The following RASA3 variants were observed in gnomAD, a reference collection of about 807,000 sequenced individuals.
RASA3 encodes RAS p21 protein activator 3, also known as ras GTPase-activating protein 3.
In RASA3, 73 loss-of-function variants were observed where a neutral mutation model predicts 110.0. That is an observed-to-expected ratio of 0.66 (90% CI 0.55 to 0.81). The LOEUF is 0.81. RASA3 is among the 30% of genes least tolerant of loss of function. The probability of loss-of-function intolerance (pLI) is 0.00; values close to 1 mark genes in which losing one functional copy is unlikely to be tolerated. For missense variants in RASA3, 976 were observed against 1,113.2 expected (o/e 0.88, Z 1.75); for synonymous variants, 500 against 451.4 (o/e 1.11, Z -1.37).
chr13:114,015,585 G>T (rs1566482123), intron 13 of RASA3, among the ~76,000 whole-genome samples: 1 of 152,254 alleles, frequency 6.6e-6, no homozygotes, highest in Non-Finnish European at 1.5e-5. Context: ...TACTGAGTGG[G>T]GAATGGACGT....
chr13:114,050,737 G>A (rs759713797), intron 3 of RASA3, among the ~76,000 whole-genome samples: 5 of 152,360 alleles, frequency 3.3e-5, no homozygotes, highest in African/African-American at 4.8e-5. Context: ...CTACTAGCCC[G>A]TTTCTCTCAT....
chr13:114,015,122 G>T (rs1420445546), intron 14 of RASA3, 87 bp downstream of exon 14: 4 of 1,540,886 alleles, frequency 2.6e-6, no homozygotes, highest in East Asian at 4.5e-5. Context: ...TCTAGCCAGG[G>T]CTGCGGGGGG....
At chr13:114,021,884 C>T (rs1008081421) in intron 8 of RASA3, among the ~76,000 whole-genome samples, 2 of 151,976 alleles carry the variant, frequency 1.3e-5, no homozygotes, top group Non-Finnish European at 2.9e-5. Context: ...CTACATGACC[C>T]CAGGCTCTGT....
rs868832930 is a variant in RASA3 at position 114,016,228 on chromosome 13, A to C, written c.1250T>G (p.Leu417Trp). ...HKPCEIDPVKLKDGENLENNM... is the reference protein window; with the variant it reads ...HKPCEIDPVKWKDGENLENNM... ...GTTTTCAAGGTTTTCTCCGTCTTTC[A>C]ACTTCACAGGGTCGATTTCACAGGG... The change falls in exon 13 of 24, where the codon TTG (leucine) becomes TGG (tryptophan). Residue 417 changes from leucine to tryptophan, a missense_variant. Physicochemically the swap from Leu to Trp is moderately conservative, Grantham distance 61. Transcript: ENST00000334062. The C allele has an allele frequency of 4.4e-6, 7 of 1,602,236 alleles. 1 individual carries two copies. In the African/African-American group the frequency reaches 5.4e-5, roughly 12 times the overall value.
At chr13:114,034,888 C>G (rs900219663) in intron 4 of RASA3, among the ~76,000 whole-genome samples, 1 of 152,002 alleles carries the variant, frequency 6.6e-6, no homozygotes, top group African/African-American at 2.4e-5. Context: ...GAAGGGAGAT[C>G]TGAACGCTGA....
At chr13:113,990,060 G>C (rs981844323) in intron 22 of RASA3, among the ~76,000 whole-genome samples, 3 of 152,072 alleles carry the variant, frequency 2.0e-5, no homozygotes, top group African/African-American at 7.3e-5. Flanking sequence ...GTTTGGACGT[G>C]TGTGGCATCT....
Position 114,011,145 on chromosome 13 carries a change from A to G in RASA3, c.1590+26T>C. Reference sequence around the variant, plus strand: ...AGAAAAGAATCAGTTGTCCCTAAAAAGAGAAAATGAAGAAGAGGGACTCAC... The same window carrying G: ...AGAAAAGAATCAGTTGTCCCTAAAAGGAGAAAATGAAGAAGAGGGACTCAC... On this transcript the variant is annotated intron_variant, in intron 16 of 23. Transcript: ENST00000334062. This position sits in a 1 kb window ranked among gnomAD's most constrained non-coding sequence, Gnocchi z 4.8. The G allele has an allele frequency of 1.3e-6, 2 of 1,575,822 alleles. No homozygotes were observed. The highest frequency in any genetic ancestry group is 1.7e-6 in the Non-Finnish European group (2 of 1,146,976).
At chr13:114,129,732 C>T (rs1012891051) in intron 1 of RASA3, among the ~76,000 whole-genome samples, 2 of 152,090 alleles carry the variant, frequency 1.3e-5, no homozygotes, top group African/African-American at 2.4e-5. Context: ...ACGTTCCCAC[C>T]GGATGTAGTA....
intron 1 of RASA3, among the ~76,000 whole-genome samples, chr13:114,080,839 C>T (rs1222718394): frequency 4.6e-5 from 7 of 151,826 alleles, no homozygotes; most frequent in East Asian, 1.9e-4. Flanking sequence ...GGCACAGGGC[C>T]GTCCACCTAG....
Position 114,021,554 on chromosome 13 carries a change from G to A in RASA3, c.681-46C>T, listed in dbSNP as rs764982829. 8 of 1,537,400 alleles carry A rather than the reference G, an allele frequency of 5.2e-6. No individual in the cohort carries two copies. In the East Asian group the frequency reaches 6.7e-5, roughly 13 times the overall value. On this transcript the variant is annotated intron_variant, in intron 8 of 23. Coordinates refer to ENST00000334062, the MANE Select transcript of RASA3 (RefSeq NM_007368.4). ...AGCTCTAGCTGACGGCGGGCAGCCC[G>A]TGTGGAGCAAAGATGACAGGCCACG...
intron 1 of RASA3, among the ~76,000 whole-genome samples, chr13:114,129,477 A>T (rs1311615274): frequency 6.6e-6 from 1 of 152,146 alleles, no homozygotes. Context: ...GATTCTTTCC[A>T]TTTTTCCCAA....
At chr13:114,128,680 G>A (rs116716404) in intron 1 of RASA3, among the ~76,000 whole-genome samples, 9 of 152,378 alleles carry the variant, frequency 5.9e-5, no homozygotes, top group Middle Eastern at 3.4e-3. Flanking sequence ...GGGCCAGACC[G>A]GCCGTGGGTC....
At chr13:113,984,712 C>CCAT (rs1382817600) in intron 22 of RASA3, among the ~76,000 whole-genome samples, 5 of 99,976 alleles carry the variant, frequency 5.0e-5, no homozygotes, top group Admixed American at 2.1e-4. Context: ...CATCACTCAC[C>CCAT]CTGTCCATCC....
intron 14 of RASA3, 50 bp from the exon 15 acceptor site, chr13:114,013,298 C>T (rs754784901): frequency 2.5e-5 from 36 of 1,423,714 alleles, no homozygotes; most frequent in African/African-American, 4.2e-5. Context: ...ACAATGGCCT[C>T]GTGGGGACAC....
chr13:114,049,083 C>T (rs556581911), intron 3 of RASA3, among the ~76,000 whole-genome samples: 29 of 152,068 alleles, frequency 1.9e-4, no homozygotes, highest in African/African-American at 7.0e-4. Flanking sequence ...CAGTGCACCT[C>T]TCACTCCTGG....
chr13:114,011,555 A>C lies in RASA3; in HGVS notation c.1513-307T>G, dbSNP rs1414128822. 6.6e-6 allele frequency among the ~76,000 whole-genome samples: 1 copy of C among 152,032 alleles called. No homozygotes were observed. The highest frequency in any genetic ancestry group is 1.9e-4 in the East Asian group (1 of 5,190). ...GTGGGGTCATGGCTCTGGGGCGCTG[A>C]GTCTCGGGGTGCTGAGTCTCCTGGC... On this transcript the variant is annotated intron_variant, in intron 15 of 23. Transcript: ENST00000334062. This position sits in a 1 kb window ranked among gnomAD's most constrained non-coding sequence, Gnocchi z 4.8.
rs112584260 is a variant in RASA3, at chr13:114,000,449, G to A, written c.1849+377C>T. Among the ~76,000 whole-genome samples the A allele has an allele frequency of 1.9e-3, 295 of 152,334 alleles. 1 individual carries two copies. The highest frequency in any genetic ancestry group is 6.6e-3 in the African/African-American group (276 of 41,566). On this transcript the variant is annotated intron_variant, in intron 19 of 23. Coordinates refer to ENST00000334062, the MANE Select transcript of RASA3 (RefSeq NM_007368.4). ...TATTTCCTAATCTAGATCTGAGCCA[G>A]CAGATCTGACAGCGAGGGGCAGGAG...
At chr13:114,087,883 A>C (rs2079842281) in intron 1 of RASA3, among the ~76,000 whole-genome samples, 1 of 152,236 alleles carries the variant, frequency 6.6e-6, no homozygotes, top group African/African-American at 2.4e-5. Flanking sequence ...TAATACCAGA[A>C]TTTTGAGAGG....
chr13:114,031,673 C>T (rs1321800883), intron 4 of RASA3, among the ~76,000 whole-genome samples: 2 of 152,134 alleles, frequency 1.3e-5, no homozygotes, highest in African/African-American at 2.4e-5. Flanking sequence ...CTGTGTGTGC[C>T]GCTGTCCCTG....
Sources: gnomAD v4.1 joint callset for allele counts (sites outside exome capture counted in the v4.1 genomes callset) on GRCh38, gnomAD v4.1.1 for gene constraint, Gnocchi (gnomAD v3.1) non-coding constraint, MANE v1.5 for transcripts, NCBI Gene and HGNC (gene_info 2026-07-23, HGNC 2026-07-21) for gene names.